The following CHD1 variants were observed in gnomAD, a reference collection of about 807,000 sequenced individuals.
CHD1 encodes the protein ATP-dependent chromatin remodeler CHD1.
In CHD1, 36 loss-of-function variants were observed where a neutral mutation model predicts 224.2. The observed-to-expected ratio is 0.16, with a 90% CI of 0.12 to 0.21. The LOEUF is 0.21. Ranked by LOEUF, CHD1 falls within the 10% of genes least tolerant of loss-of-function variation. CHD1 has a pLI of 1.00. For synonymous variants in CHD1, 668 were observed against 658.3 expected (o/e 1.01, Z -0.23); for missense variants, 1,378 against 1,994.8 (o/e 0.69, Z 5.89).
chr5:98,892,262 A>G (rs1374553080), intron 15 of CHD1, among the ~76,000 whole-genome samples: 1 of 152,184 alleles, frequency 6.6e-6, no homozygotes, highest in East Asian at 1.9e-4. Context: ...TAAACTCTTT[A>G]TAAGATAACA....
Position 98,855,297 on chromosome 5 carries a change from T to C in CHD1, c.*1083A>G, listed in dbSNP as rs991543997. The stretch of plus-strand genomic sequence containing the variant: ...TTATATTAAAAGTCAATCAAGTTTA[T>C]CTAAAATGTTAACCTGGCTGCATAG... On this transcript the variant is annotated 3_prime_UTR_variant, in exon 36 of 36. Coordinates refer to ENST00000614616, the MANE Select transcript of CHD1 (RefSeq NM_001270.4). 1.3e-5 allele frequency: 2 copies of C among 152,568 alleles called. No homozygotes were observed. Among genetic ancestry groups the C allele is most frequent in the Non-Finnish European group, 2.9e-5 (2 of 68,008 alleles). The allele number at this position is 152,568 out of a possible 1,614,324, so 9.5% of individuals were successfully genotyped here.
At chr5:98,897,462 C>A in intron 10 of CHD1, 142 bp from the exon 11 acceptor site, 2 of 605,380 alleles carry the variant, frequency 3.3e-6, no homozygotes, top group Non-Finnish European at 5.6e-6. Flanking sequence ...CAAAATGTAC[C>A]TGAGGATTCA....
In CHD1 at chr5:98,900,884, A is replaced by T. The variant is rs1461442566; in HGVS notation, c.786T>A (p.Asp262Glu). The change falls in exon 7 of 36, where the codon GAT (aspartate) becomes GAA (glutamate). Residue 262 changes from aspartate (D) to glutamate (E), a missense_variant. Coordinates refer to ENST00000614616, the MANE Select transcript of CHD1 (RefSeq NM_001270.4). ...ATTCCTCTTCCTCAGGTTGAGGAAC[A>T]TCCTCTCCACAGACTTCCAGTAGGT... ...SDDLLEVCGE[D>E]VPQPEEEEFE... 6.2e-7 allele frequency: 1 copy of T among 1,613,854 alleles called. No individual in the cohort carries two copies. Among genetic ancestry groups the T allele is most frequent in the Non-Finnish European group, 8.5e-7 (1 of 1,179,714 alleles).
At chr5:98,860,583 T>G (rs1436378220) in intron 32 of CHD1, 3 of 163,860 alleles carry the variant, frequency 1.8e-5, no homozygotes. Flanking sequence ...CAGTTTGCTA[T>G]CTCTTCCCAT....
intron 2 of CHD1, among the ~76,000 whole-genome samples, chr5:98,916,620 C>G (rs1395175508): frequency 7.0e-6 from 1 of 142,198 alleles, no homozygotes; most frequent in Non-Finnish European, 1.5e-5. Flanking sequence ...AATACTGCCA[C>G]AAAAAAATGA....
At chr5:98,868,956 AAAATGT>A in intron 30 of CHD1, 1 of 779,616 alleles carries the variant, frequency 1.3e-6, no homozygotes, top group Non-Finnish European at 1.6e-6. Flanking sequence ...TTAGTCTCCT[AAAATGT>A]AAATATGCTG....
intron 7 of CHD1, among the ~76,000 whole-genome samples, chr5:98,900,371 G>A (rs1751621769): frequency 1.3e-5 from 2 of 150,462 alleles, no homozygotes; most frequent in Admixed American, 1.3e-4. Context: ...TAAAACATAA[G>A]TAAAACAACA....
At chr5:98,884,721 C>T (rs1376733090) in intron 18 of CHD1, among the ~76,000 whole-genome samples, 4 of 142,224 alleles carry the variant, frequency 2.8e-5, no homozygotes, top group African/African-American at 7.7e-5. Context: ...TTTTCTTTCC[C>T]TTTTTTTTTT....
rs750717389 is a variant in CHD1, at chr5:98,901,269, T to C, written c.504A>G (p.Glu168=). 6.2e-7 allele frequency: 1 copy of C among 1,613,938 alleles called. No homozygotes were observed. The highest frequency in any genetic ancestry group is 1.7e-5 in the Admixed American group (1 of 60,000). The part of the protein sequence containing the change: ...SQSGSDSESE[E]EREKSSCDET... ...CATCACAACTGCTTTTCTCTCTCTC[T>C]TCTTCAGATTCTGAATCTGAACCAG... is the stretch of plus-strand genomic sequence containing the variant. Residue 168 remains glutamate, a synonymous_variant, in exon 6 of 36, where the codon GAA becomes GAG. Transcript: ENST00000614616.
At chr5:98,895,108 G>A (rs916382584) in intron 12 of CHD1, among the ~76,000 whole-genome samples, 4 of 151,986 alleles carry the variant, frequency 2.6e-5, no homozygotes, top group African/African-American at 4.8e-5. Flanking sequence ...GGCATGAGCC[G>A]GCATGCCCGG....
At chr5:98,923,545 C>A (rs542185781) in intron 2 of CHD1, among the ~76,000 whole-genome samples, 2 of 151,760 alleles carry the variant, frequency 1.3e-5, no homozygotes, top group African/African-American at 2.4e-5. Context: ...CTCAGCCTCG[C>A]GAGCAGCTGG....
At chr5:98,900,153 G>A (rs1580466878) in intron 7 of CHD1, among the ~76,000 whole-genome samples, 2 of 151,866 alleles carry the variant, frequency 1.3e-5, no homozygotes. Flanking sequence ...GTCCTGGCAG[G>A]CACCTGTAGT....
intron 17 of CHD1, among the ~76,000 whole-genome samples, chr5:98,887,369 T>C (rs149169922): frequency 6.6e-6 from 1 of 152,196 alleles, no homozygotes; most frequent in African/African-American, 2.4e-5. Context: ...AAAGCAGGGA[T>C]TGTGTGTTCA....
intron 18 of CHD1, among the ~76,000 whole-genome samples, chr5:98,884,137 G>C (rs1459303443): frequency 2.1e-5 from 3 of 145,578 alleles, no homozygotes; most frequent in Non-Finnish European, 4.5e-5. Context: ...GCAGTGGCGC[G>C]ATCTCGGTTC....
chr5:98,867,795 GT>G (rs71619163), intron 31 of CHD1, among the ~76,000 whole-genome samples: 20,588 of 97,676 alleles, frequency 0.21, 826 homozygotes, highest in Middle Eastern at 0.31. Flanking sequence ...TATCTTCCTT[GT>G]TTTTTTTTTT....
intron 24 of CHD1, 36 bp downstream of exon 24, chr5:98,876,362 A>C: frequency 1.3e-6 from 2 of 1,598,446 alleles, no homozygotes; most frequent in African/African-American, 1.3e-5. Context: ...CACTCTACTA[A>C]AACCAAGTTG....
chr5:98,890,941 T>A (rs949844718), intron 15 of CHD1, among the ~76,000 whole-genome samples: 4 of 152,138 alleles, frequency 2.6e-5, no homozygotes, highest in Admixed American at 1.3e-4. Context: ...CCTATCTCAA[T>A]CCCAATTCGA....
At chr5:98,864,833 T>C (rs751197170) in intron 31 of CHD1, among the ~76,000 whole-genome samples, 10 of 152,230 alleles carry the variant, frequency 6.6e-5, no homozygotes, top group Middle Eastern at 3.2e-3. Flanking sequence ...TCATTGCTTT[T>C]ATGTTTCCTA....
rs1361199696 is a variant in CHD1 at position 98,888,151 on chromosome 5, T to C, written c.2433A>G (p.Ser811=). The change falls in exon 17 of 36, where the codon TCA becomes TCG. Residue 811 remains serine (S), a synonymous_variant. Coordinates refer to ENST00000614616, the MANE Select transcript of CHD1 (RefSeq NM_001270.4). ...RERGNRVLIF[S]QMVRMLDILA... The stretch of plus-strand genomic sequence containing the variant: ...GTATATCTAACATCCGCACCATTTG[T>C]GAAAAAATAAGAACTCGATTGCCTC... The C allele has an allele frequency of 1.2e-6, 2 of 1,610,950 alleles. No individual in the cohort carries two copies. Among genetic ancestry groups the C allele is most frequent in the Middle Eastern group, 1.7e-4 (1 of 6,048 alleles).
Sources: gnomAD v4.1 joint callset for allele counts (sites outside exome capture counted in the v4.1 genomes callset) on GRCh38, gnomAD v4.1.1 for gene constraint, MANE v1.5 for transcripts, NCBI Gene and HGNC (gene_info 2026-07-23, HGNC 2026-07-21) for gene names.